PCDHA2: variants seen among roughly 807,000 people sequenced by gnomAD.
PCDHA2 encodes protocadherin alpha 2.
PCDHA2 carries 58 observed loss-of-function variants against 66.0 expected under a neutral mutation model. The ratio of observed to expected loss-of-function variants is 0.88; its 90% CI spans 0.71 to 1.09. The LOEUF (loss-of-function observed/expected upper bound fraction) is 1.09. Among genes scored for constraint, PCDHA2 ranks in the 50% least tolerant of loss-of-function variants. The pLI, the probability that PCDHA2 is intolerant of heterozygous loss-of-function variation, is 0.00. For synonymous variants in PCDHA2, 634 were observed against 554.0 expected (o/e 1.14, Z -2.03); for missense variants, 1,267 against 1,242.3 (o/e 1.02, Z -0.30).
intron 1 of PCDHA2, chr5:140,823,188 C>A (rs1562269864): frequency 1.9e-6 from 3 of 1,613,784 alleles, no homozygotes; most frequent in Non-Finnish European, 2.5e-6. Flanking sequence ...CGCCAGGCTG[C>A]CACATCTTCA....
rs1357765961 is a variant in PCDHA2 at position 140,802,908 on chromosome 5, G to C, written c.2388+5556G>C. On this transcript the variant is annotated intron_variant, in intron 1 of 3. Coordinates refer to ENST00000526136, the MANE Select transcript of PCDHA2 (RefSeq NM_018905.3). ...GCCGGCACTGCTGATGCCTCGGGTGGGTGGCATCGGTGGCGCAGTGAGCGA... is the reference window on the plus strand; with the variant it reads ...GCCGGCACTGCTGATGCCTCGGGTGCGTGGCATCGGTGGCGCAGTGAGCGA... 2.5e-6 allele frequency: 4 copies of C among 1,613,754 alleles called. No homozygotes were observed. Among genetic ancestry groups the C allele is most frequent in the Non-Finnish European group, 3.4e-6 (4 of 1,179,884 alleles).
chr5:140,976,414 G>A (rs1242756697), intron 1 of PCDHA2, among the ~76,000 whole-genome samples: 2 of 151,998 alleles, frequency 1.3e-5, no homozygotes, highest in African/African-American at 2.4e-5. Context: ...AGCCAGGTAC[G>A]GTGGCAGATG....
intron 1 of PCDHA2, chr5:140,830,827 A>G (rs1334239168): frequency 6.4e-6 from 1 of 155,422 alleles, no homozygotes; most frequent in African/African-American, 2.4e-5. Context: ...TTTGAGCTTT[A>G]GGATAATTTT....
At chr5:140,972,750 G>A (rs2096554223) in intron 1 of PCDHA2, among the ~76,000 whole-genome samples, 2 of 143,042 alleles carry the variant, frequency 1.4e-5, no homozygotes, top group South Asian at 2.2e-4. Context: ...TGCAACCTCC[G>A]CCTCCCAAGT....
At chr5:140,885,434 T>C (rs1554182149) in intron 1 of PCDHA2, among the ~76,000 whole-genome samples, 1 of 152,158 alleles carries the variant, frequency 6.6e-6, no homozygotes, top group African/African-American at 2.4e-5. Context: ...AGTGTAAGTG[T>C]GCAATTATAT....
intron 1 of PCDHA2, chr5:140,827,917 G>T: frequency 1.1e-6 from 1 of 901,262 alleles, no homozygotes; most frequent in East Asian, 2.4e-5. Context: ...TGATGTCGCT[G>T]TCTACCATGA....
intron 3 of PCDHA2, among the ~76,000 whole-genome samples, chr5:141,003,540 T>C (rs2098129225): frequency 6.6e-6 from 1 of 152,188 alleles, no homozygotes; most frequent in Non-Finnish European, 1.5e-5. Flanking sequence ...CTTGAACTCC[T>C]GGCTTCAAGT....
At chr5:140,979,062 G>A in intron 2 of PCDHA2, 55 bp downstream of exon 2, 1 of 1,604,568 alleles carries the variant, frequency 6.2e-7, no homozygotes, top group Non-Finnish European at 8.5e-7. Flanking sequence ...GTATGGCTCA[G>A]ATAAACTGCA....
At chr5:140,916,714 G>C (rs1457405124) in intron 1 of PCDHA2, among the ~76,000 whole-genome samples, 1 of 152,172 alleles carries the variant, frequency 6.6e-6, no homozygotes, top group African/African-American at 2.4e-5. Context: ...CAGAAGGAAG[G>C]AGTGACTTTT....
At chr5:140,850,141 T>G in intron 1 of PCDHA2, 1 of 1,595,586 alleles carries the variant, frequency 6.3e-7, no homozygotes, top group Non-Finnish European at 8.6e-7. Context: ...GGCAGCAACG[T>G]GACGCTGCAG....
At chr5:140,810,277 A>G in intron 1 of PCDHA2, 1 of 152,252 alleles carries the variant, frequency 6.6e-6, no homozygotes, top group East Asian at 1.9e-4. Flanking sequence ...TCTATTTCAA[A>G]TAATGCCATC....
intron 1 of PCDHA2, among the ~76,000 whole-genome samples, chr5:140,926,001 C>A (rs782316154): frequency 3.3e-5 from 5 of 152,302 alleles, no homozygotes; most frequent in Middle Eastern, 3.4e-3. Flanking sequence ...TCCGCTGCCT[C>A]GAAAAGCCAG....
In PCDHA2 at chr5:140,841,685, G is replaced by A. The variant is rs1332759626; in HGVS notation, c.2388+44333G>A. ...GCTGCAGGTTTTCCATGTGGACGTG[G>A]AGGTGAAGGATGTTAATGACAACCC... On this transcript the variant is annotated intron_variant, in intron 1 of 3. Transcript: ENST00000526136. 1.9e-6 allele frequency: 3 copies of A among 1,613,960 alleles called. No individual in the cohort carries two copies. The Admixed American group carries it at 5.0e-5, about 27-fold the overall frequency.
chr5:140,849,954 A>G, intron 1 of PCDHA2: 1 of 1,597,790 alleles, frequency 6.3e-7, no homozygotes, highest in Non-Finnish European at 8.6e-7. Context: ...CGCGCAGGAG[A>G]ACGCCCTGGT....
At position 140,971,223 on chromosome 5, in the gene PCDHA2, C is replaced by T. The variant is rs904012820; in HGVS notation, c.2389-7726C>T. The stretch of plus-strand genomic sequence containing the variant: ...GACACTGTTACCCTCCCTCTCCTGA[C>T]TCAAAGCTTGGGGCAATTTGATACA... On this transcript the variant is annotated intron_variant, in intron 1 of 3. Transcript: ENST00000526136. Among the ~76,000 whole-genome samples, 3 of 152,148 alleles carry T rather than the reference C, an allele frequency of 2.0e-5. No homozygotes were observed. The South Asian group carries it at 6.2e-4, about 31-fold the overall frequency.
At chr5:140,799,201 C>A (rs1231735156) in intron 1 of PCDHA2, among the ~76,000 whole-genome samples, 3 of 152,088 alleles carry the variant, frequency 2.0e-5, no homozygotes, top group Admixed American at 6.5e-5. Context: ...ATGGCTCAAT[C>A]TTCTAAACTC....
chr5:140,945,001 G>GT (rs2093723326), intron 1 of PCDHA2, among the ~76,000 whole-genome samples: 1 of 151,990 alleles, frequency 6.6e-6, no homozygotes, highest in South Asian at 2.1e-4. Context: ...ACGGTTGTGG[G>GT]TCATGAATTA....
At chr5:140,822,751 A>G in intron 1 of PCDHA2, 1 of 1,613,920 alleles carries the variant, frequency 6.2e-7, no homozygotes, top group Non-Finnish European at 8.5e-7. Context: ...GGATAAAAGT[A>G]CATTCCCATT....
At chr5:140,863,313 G>C (rs782656693) in intron 1 of PCDHA2, 5 of 1,460,034 alleles carry the variant, frequency 3.4e-6, no homozygotes, top group Non-Finnish European at 4.6e-6. Flanking sequence ...TCTGCGTGGT[G>C]TCCAGCCTGT....
Sources: gnomAD v4.1 joint callset for allele counts (sites outside exome capture counted in the v4.1 genomes callset) on GRCh38, gnomAD v4.1.1 for gene constraint, MANE v1.5 for transcripts, NCBI Gene and HGNC (gene_info 2026-07-23, HGNC 2026-07-21) for gene names.